The following TYW1B variants were observed in gnomAD, a reference collection of about 807,000 sequenced individuals.
The protein encoded by TYW1B is tRNA-yW synthesizing protein 1 homolog B, also known as S-adenosyl-L-methionine-dependent tRNA 4-demethylwyosine synthase TYW1B.
TYW1B carries 73 observed loss-of-function variants against 86.9 expected under a neutral mutation model. The ratio of observed to expected loss-of-function variants is 0.84; its 90% CI spans 0.70 to 1.02. The LOEUF is 1.02. Ranked by LOEUF, TYW1B falls within the 50% of genes least tolerant of loss-of-function variation. TYW1B has a pLI of 0.00. For missense variants in TYW1B, 637 were observed against 827.4 expected (o/e 0.77, Z 2.82); for synonymous variants, 248 against 292.8 (o/e 0.85, Z 1.56).
chr7:72,744,371 A>T, intron 8 of TYW1B, 113 bp downstream of exon 8: 1 of 1,188,272 alleles, frequency 8.4e-7, no homozygotes, highest in Non-Finnish European at 1.2e-6. Context: ...ACAGTGAAAA[A>T]GATTAATCAC....
intron 10 of TYW1B, among the ~76,000 whole-genome samples, chr7:72,702,729 T>G (rs563236179): frequency 3.9e-5 from 6 of 152,018 alleles, no homozygotes; most frequent in African/African-American, 9.7e-5. Context: ...GAATGGAATA[T>G]AACAAGTTAA....
At chr7:72,786,427 A>T (rs778093741) in intron 6 of TYW1B, among the ~76,000 whole-genome samples, 14 of 152,122 alleles carry the variant, frequency 9.2e-5, no homozygotes, top group Non-Finnish European at 1.9e-4. Flanking sequence ...TCAAAAAAAT[A>T]ATGTACATGG....
At position 72,679,210 on chromosome 7, in the gene TYW1B, C is replaced by T. The variant is rs1368331412; in HGVS notation, c.1506+15477G>A. On this transcript the variant is annotated intron_variant, in intron 11 of 13. Transcript: ENST00000620995. ...AAGTATAATCATGTAGGACAGGCTA[C>T]GGCGACAAAAATCTAATCAAGTTCA... Among the ~76,000 whole-genome samples, 13 of 152,298 alleles carry T rather than the reference C, an allele frequency of 8.5e-5. No individual in the cohort carries two copies. In the South Asian group the frequency reaches 1.0e-3, roughly 12 times the overall value.
At chr7:72,608,425 A>G (rs1282652240) in intron 13 of TYW1B, among the ~76,000 whole-genome samples, 2 of 152,228 alleles carry the variant, frequency 1.3e-5, no homozygotes, top group Non-Finnish European at 2.9e-5. Context: ...TAAGAGGGGT[A>G]AAGTTTCCAC....
intron 7 of TYW1B, among the ~76,000 whole-genome samples, chr7:72,759,288 T>C (rs558218434): frequency 2.6e-5 from 4 of 152,064 alleles, no homozygotes; most frequent in Non-Finnish European, 5.9e-5. Flanking sequence ...TGAGGTGAGA[T>C]TGCACCACCG....
chr7:72,644,446 G>A (rs1210723920), intron 11 of TYW1B, among the ~76,000 whole-genome samples: 4 of 152,166 alleles, frequency 2.6e-5, no homozygotes, highest in African/African-American at 7.2e-5. Flanking sequence ...TACTTGGGAG[G>A]CTGAGGCAGA....
At chr7:72,668,195 TTTTG>T (rs1363930639) in intron 11 of TYW1B, among the ~76,000 whole-genome samples, 3 of 152,164 alleles carry the variant, frequency 2.0e-5, no homozygotes, top group Non-Finnish European at 4.4e-5. Flanking sequence ...TTATCATAGA[TTTTG>T]TTTGTTTTCA....
chr7:72,781,894 A>G (rs1439083254), intron 6 of TYW1B, among the ~76,000 whole-genome samples: 1 of 152,222 alleles, frequency 6.6e-6, no homozygotes, highest in Non-Finnish European at 1.5e-5. Context: ...AATACACAAA[A>G]CATTCTTTAT....
intron 11 of TYW1B, among the ~76,000 whole-genome samples, chr7:72,629,389 A>G (rs1349025282): frequency 6.6e-6 from 1 of 152,184 alleles, no homozygotes; most frequent in African/African-American, 2.4e-5. Flanking sequence ...CCAAGTTGTT[A>G]GTGACAAGAA....
chr7:72,593,199 G>A (rs1478110298), intron 13 of TYW1B, among the ~76,000 whole-genome samples: 6 of 151,878 alleles, frequency 4.0e-5, no homozygotes, highest in African/African-American at 1.5e-4. Flanking sequence ...GGCTGAGGCA[G>A]GAGAAATTGC....
intron 6 of TYW1B, 49 bp from the exon 7 acceptor site, chr7:72,777,582 A>C: frequency 1.9e-6 from 3 of 1,604,006 alleles, no homozygotes; most frequent in Non-Finnish European, 2.6e-6. Flanking sequence ...TGTGCAATGT[A>C]AATAACAGCA....
At chr7:72,680,810 G>T (rs574084079) in intron 11 of TYW1B, among the ~76,000 whole-genome samples, 10 of 152,082 alleles carry the variant, frequency 6.6e-5, no homozygotes, top group East Asian at 1.9e-4. Flanking sequence ...GAAGGAAAAA[G>T]AAGTATGATA....
At chr7:72,576,574 C>G (rs1433508373) in intron 13 of TYW1B, among the ~76,000 whole-genome samples, 2 of 148,028 alleles carry the variant, frequency 1.4e-5, no homozygotes, top group Admixed American at 6.9e-5. Context: ...GTGTAGTGGC[C>G]TGATCTCGGC....
In TYW1B at chr7:72,713,300, C is replaced by CA. The variant is rs71069102; in HGVS notation, c.1370+320dup. Among the ~76,000 whole-genome samples the CA allele has an allele frequency of 9.0e-3, 500 of 55,530 alleles. 1 individual carries two copies. The highest frequency in any genetic ancestry group is 9.3e-3 in the African/African-American group (126 of 13,492). 36.4% of individuals were successfully genotyped at this position (55,530 alleles called of 152,430 possible). A position where few individuals can be genotyped will look rare whatever the true frequency, so the allele number is the denominator to read the frequency against. ...GGGGAGACAGAGTGAGACTCCAACT[C>CA]AAAAAAAAAAAAAAAAAAAAAAAAA... On this transcript the variant is annotated intron_variant, in intron 10 of 13. Transcript: ENST00000620995.
intron 11 of TYW1B, among the ~76,000 whole-genome samples, chr7:72,674,861 T>G (rs1360859172): frequency 2.0e-5 from 3 of 149,368 alleles, no homozygotes; most frequent in African/African-American, 7.4e-5. Flanking sequence ...CCTCCCAAAG[T>G]GCTGAGATTA....
chr7:72,798,046 C>T (rs1788339011), intron 6 of TYW1B, among the ~76,000 whole-genome samples: 1 of 151,258 alleles, frequency 6.6e-6, no homozygotes, highest in Non-Finnish European at 1.5e-5. Context: ...CACGCACACA[C>T]ATATATACAT....
chr7:72,734,896 C>T (rs1279671710), intron 8 of TYW1B, among the ~76,000 whole-genome samples: 1 of 152,176 alleles, frequency 6.6e-6, no homozygotes, highest in Non-Finnish European at 1.5e-5. Flanking sequence ...AAATGCAAAT[C>T]AAAACCGCAA....
At chr7:72,616,561 G>A (rs1812076375) in intron 13 of TYW1B, 111 bp downstream of exon 13, 2 of 1,524,602 alleles carry the variant, frequency 1.3e-6, no homozygotes, top group Non-Finnish European at 9.0e-7. Context: ...GGGAAAGGTA[G>A]CAAGCACGCA....
chr7:72,606,615 C>G lies in TYW1B; in HGVS notation c.1785+10057G>C, dbSNP rs797034464. Among the ~76,000 whole-genome samples, 142 of 149,082 alleles carry G rather than the reference C, an allele frequency of 9.5e-4. 4 individuals carry two copies. The highest frequency in any genetic ancestry group is 3.3e-3 in the African/African-American group (132 of 40,612). On this transcript the variant is annotated intron_variant, in intron 13 of 13. Transcript: ENST00000620995. ...CACCCAGCAGCAATAAGGCCCCCCC[C>G]CCGCCTCCATCCTATAATGTCAGTG...
Sources: gnomAD v4.1 joint callset for allele counts (sites outside exome capture counted in the v4.1 genomes callset) on GRCh38, gnomAD v4.1.1 for gene constraint, MANE v1.5 for transcripts, NCBI Gene and HGNC (gene_info 2026-07-23, HGNC 2026-07-21) for gene names.